SNTG2: variants seen among roughly 807,000 people sequenced by gnomAD.
The protein encoded by SNTG2 is syntrophin gamma 2.
A neutral mutation model predicts 70.9 loss-of-function variants in SNTG2; 74 were observed. The observed-to-expected ratio is 1.04, with a 90% confidence interval of 0.86 to 1.27. The LOEUF (loss-of-function observed/expected upper bound fraction) is 1.27. SNTG2 is among the 50% of genes most tolerant of loss of function. The probability of loss-of-function intolerance (pLI) is 0.00; values close to 1 mark genes in which losing one functional copy is unlikely to be tolerated. For missense variants in SNTG2, 717 were observed against 690.7 expected (o/e 1.04, Z -0.43); for synonymous variants, 278 against 273.8 (o/e 1.02, Z -0.15).
chr2:1,182,616 T>C (rs918792404), intron 8 of SNTG2, among the ~76,000 whole-genome samples: 1 of 152,196 alleles, frequency 6.6e-6, no homozygotes, highest in African/African-American at 2.4e-5. Flanking sequence ...ACCTTGCACA[T>C]TTAATTGATG....
chr2:1,190,495 CTATATATATATA>C (rs72001718), intron 8 of SNTG2, among the ~76,000 whole-genome samples: 3,275 of 90,702 alleles, frequency 0.036, 67 homozygotes, highest in Middle Eastern at 0.062. Flanking sequence ...GGAGGGCTGA[CTATATATATATA>C]TATATATATA....
intron 4 of SNTG2, among the ~76,000 whole-genome samples, chr2:1,101,884 A>G (rs1002123101): frequency 6.6e-6 from 1 of 152,220 alleles, no homozygotes; most frequent in African/African-American, 2.4e-5. Flanking sequence ...GGGACACCAG[A>G]GCAGCCAGGT....
intron 1 of SNTG2, among the ~76,000 whole-genome samples, chr2:964,018 C>A (rs1054695990): frequency 1.3e-5 from 2 of 152,116 alleles, no homozygotes; most frequent in Non-Finnish European, 2.9e-5. Context: ...CAAGGCTCAG[C>A]GATCCACGCA....
At chr2:1,022,210 G>T (rs1269961462) in intron 1 of SNTG2, among the ~76,000 whole-genome samples, 3 of 151,996 alleles carry the variant, frequency 2.0e-5, no homozygotes, top group Non-Finnish European at 4.4e-5. Context: ...GAATCCCTAG[G>T]TTCTTGCAAG....
chr2:1,325,426 A>G (rs1681719117), intron 16 of SNTG2, among the ~76,000 whole-genome samples: 1 of 152,232 alleles, frequency 6.6e-6, no homozygotes, highest in Admixed American at 6.5e-5. Context: ...TTTCAAACAA[A>G]AAGTTATACA....
At chr2:1,126,277 G>A (rs996453777) in intron 4 of SNTG2, among the ~76,000 whole-genome samples, 1 of 152,142 alleles carries the variant, frequency 6.6e-6, no homozygotes, top group African/African-American at 2.4e-5. Flanking sequence ...TTAAAGTAAT[G>A]TCCTACAGGT....
intron 1 of SNTG2, among the ~76,000 whole-genome samples, chr2:970,052 C>T (rs571075362): frequency 3.9e-5 from 6 of 152,160 alleles, no homozygotes; most frequent in South Asian, 2.1e-4. Context: ...GCCTAGTTTG[C>T]GGAGGGCTTT....
At chr2:1,301,795 A>G (rs1259683143) in intron 14 of SNTG2, among the ~76,000 whole-genome samples, 2 of 152,302 alleles carry the variant, frequency 1.3e-5, no homozygotes, top group African/African-American at 4.8e-5. Context: ...AAAAAAAATT[A>G]AGAGAGTTTA....
intron 1 of SNTG2, among the ~76,000 whole-genome samples, chr2:1,060,814 C>G (rs924980352): frequency 5.3e-5 from 8 of 152,142 alleles, no homozygotes; most frequent in African/African-American, 1.4e-4. Flanking sequence ...ATAATAAAAG[C>G]TATCAATGGA....
At chr2:1,115,469 G>A (rs1196149411) in intron 4 of SNTG2, among the ~76,000 whole-genome samples, 2 of 152,056 alleles carry the variant, frequency 1.3e-5, no homozygotes, top group African/African-American at 4.8e-5. Flanking sequence ...CCTTTGAGGA[G>A]GATCGTGTGT....
At chr2:1,084,724 C>G (rs1371620582) in intron 2 of SNTG2, among the ~76,000 whole-genome samples, 1 of 152,216 alleles carries the variant, frequency 6.6e-6, no homozygotes, top group East Asian at 1.9e-4. Context: ...AGCACAGGAT[C>G]AAGGTGCCCG....
intron 6 of SNTG2, among the ~76,000 whole-genome samples, chr2:1,138,272 C>A (rs1668523665): frequency 6.6e-6 from 1 of 152,174 alleles, no homozygotes; most frequent in East Asian, 1.9e-4. Context: ...GTGGAGGACA[C>A]CAGGTGAGAC....
chr2:1,139,202 G>A (rs1668590065), intron 6 of SNTG2, among the ~76,000 whole-genome samples: 1 of 152,018 alleles, frequency 6.6e-6, no homozygotes, highest in African/African-American at 2.4e-5. Context: ...ATTCTTGTGA[G>A]CAACAGTTTT....
chr2:1,324,373 A>G (rs1387159870), intron 16 of SNTG2, among the ~76,000 whole-genome samples: 1 of 152,246 alleles, frequency 6.6e-6, no homozygotes, highest in Non-Finnish European at 1.5e-5. Flanking sequence ...ACAATAAGAC[A>G]TGCATAACAT....
Position 1,279,901 on chromosome 2 carries a change from G to A in SNTG2, c.1284+12330G>A, listed in dbSNP as rs145085801. Among the ~76,000 whole-genome samples, 7 of 152,344 alleles carry A rather than the reference G, an allele frequency of 4.6e-5. No individual in the cohort carries two copies. The East Asian group carries it at 1.4e-3, about 29-fold the overall frequency. ...CTTTTTAAAATTCATAAGTGGCTGG[G>A]AAGATCGTTTTGAATAAGTCACTGA... On this transcript the variant is annotated intron_variant, in intron 14 of 16. Transcript: ENST00000308624.
chr2:1,282,834 C>G (rs1290618290), intron 14 of SNTG2, among the ~76,000 whole-genome samples: 2 of 152,040 alleles, frequency 1.3e-5, no homozygotes, highest in Non-Finnish European at 2.9e-5. Context: ...AAGTAGAGCG[C>G]TGGCATTTCC....
intron 16 of SNTG2, among the ~76,000 whole-genome samples, chr2:1,366,539 TG>T (rs1336068611): frequency 6.6e-6 from 1 of 152,084 alleles, no homozygotes; most frequent in Non-Finnish European, 1.5e-5. Context: ...TCCAGGAGTT[TG>T]TTTCAGTTTT....
At chr2:1,271,666 A>C (rs36193992) in intron 14 of SNTG2, among the ~76,000 whole-genome samples, 34,435 of 151,946 alleles carry the variant, frequency 0.23, 4,709 homozygotes, top group East Asian at 0.49. Flanking sequence ...CTCCCCTCCC[A>C]GTCATAAGAT....
intron 1 of SNTG2, among the ~76,000 whole-genome samples, chr2:1,063,373 C>T (rs1375773567): frequency 1.3e-5 from 2 of 152,238 alleles, no homozygotes; most frequent in East Asian, 1.9e-4. Flanking sequence ...TGCCCACCAG[C>T]CCTTCAAAGA....
Sources: allele counts gnomAD v4.1 joint callset (sites outside exome capture counted in the v4.1 genomes callset), GRCh38; gene constraint gnomAD v4.1.1; transcripts MANE v1.5; gene names NCBI Gene and HGNC (gene_info 2026-07-23, HGNC 2026-07-21).